Variants in MYLK3 observed in about 807,000 individuals in gnomAD.
The protein encoded by MYLK3 is MLC kinase.
Under a neutral mutation model 76.3 loss-of-function variants are expected in MYLK3, and 55 were observed. The observed-to-expected ratio is 0.72, with a 90% CI of 0.58 to 0.90. The LOEUF (loss-of-function observed/expected upper bound fraction) is 0.90. Among genes scored for constraint, MYLK3 ranks in the 40% least tolerant of loss-of-function variants. The probability of loss-of-function intolerance (pLI) is 0.00; values close to 1 mark genes in which losing one functional copy is unlikely to be tolerated. For missense variants in MYLK3, 973 were observed against 1,053.6 expected, an observed-to-expected ratio of 0.92 and a Z score of 1.06; for synonymous variants, 416 against 425.4, an observed-to-expected ratio of 0.98 and a Z score of 0.27.
rs1032288431 is a variant in MYLK3 at position 46,703,753 on chromosome 16, T to C, written c.*3951A>G. 6.5e-6 allele frequency: 1 copy of C among 153,722 alleles called. No homozygotes were observed. Among genetic ancestry groups the C allele is most frequent in the Non-Finnish European group, 1.5e-5 (1 of 68,040 alleles). The allele number at this position is 153,722 out of a possible 1,614,324, so 9.5% of individuals were successfully genotyped here. A position where few individuals can be genotyped will look rare whatever the true frequency, so the allele number is the denominator to read the frequency against. On this transcript the variant is annotated 3_prime_UTR_variant, in exon 13 of 13. Transcript: ENST00000394809. ...CCCTCAAAGGAACTTTGGAGGGAAA[T>C]TGTTTCTCTAGGTAAGGAATAACAG... is the stretch of plus-strand genomic sequence containing the variant.
chr16:46,740,558 T>A (rs957073309), intron 1 of MYLK3, among the ~76,000 whole-genome samples: 15 of 144,224 alleles, frequency 1.0e-4, no homozygotes, highest in African/African-American at 3.3e-4. Flanking sequence ...TATATTTTTT[T>A]TTTTTTTTTT....
Position 46,704,967 on chromosome 16 carries a change from T to G in MYLK3, c.*2737A>C, listed in dbSNP as rs1221567221. The G allele has an allele frequency of 6.6e-6, 1 of 152,258 alleles. No individual in the cohort carries two copies. Among genetic ancestry groups the G allele is most frequent in the African/African-American group, 2.4e-5 (1 of 41,466 alleles). The allele number at this position is 152,258 out of a possible 1,614,324, so 9.4% of individuals were successfully genotyped here. On this transcript the variant is annotated 3_prime_UTR_variant, in exon 13 of 13. Coordinates refer to ENST00000394809, the MANE Select transcript of MYLK3 (RefSeq NM_182493.3). The stretch of plus-strand genomic sequence containing the variant: ...TCACTGTCTCATCAAAGGACAACTT[T>G]CAGCAGCTGTGTCTTCTGATGTTCA...
intron 10 of MYLK3, 114 bp from the exon 11 acceptor site, chr16:46,710,903 C>A: frequency 1.6e-6 from 2 of 1,250,006 alleles, no homozygotes; most frequent in South Asian, 2.5e-5. Flanking sequence ...CAAGAGGGTT[C>A]AAAATAAAAG....
Position 46,737,927 on chromosome 16 carries a change from A to C in MYLK3, c.785T>G (p.Leu262Arg). 6.2e-7 allele frequency: 1 copy of C among 1,614,148 alleles called. No homozygotes were observed. The highest frequency in any genetic ancestry group is 1.7e-5 in the Admixed American group (1 of 60,036). ...CCTGCCGGGTGCTGGAGCCAATTCC[A>C]GGCCAGTCCTGAGGTTCTCGCTGGG... is the stretch of plus-strand genomic sequence containing the variant. Reference protein sequence around the residue: ...ETPSENLRTGLELAPAPGRVN... With the variant: ...ETPSENLRTGRELAPAPGRVN... Residue 262 changes from leucine (L) to arginine (R), a missense_variant, in exon 3 of 13, where the codon CTG becomes CGG. By Grantham distance (102) the Leu-to-Arg change is moderately radical (BLOSUM62 -2). Transcript: ENST00000394809.
chr16:46,749,403 C>T (rs1421223373), upstream of MYLK3, among the ~76,000 whole-genome samples: 1 of 152,216 alleles, frequency 6.6e-6, no homozygotes. Flanking sequence ...GCTTTAGTGT[C>T]CCCCTCAAGC....
rs547374024 is a variant in MYLK3 at position 46,758,598 on chromosome 16, C to G, written c.-114+4442G>C. On this transcript the variant is annotated intron_variant, in intron 1 of 11. Coordinates refer to the MYLK3 transcript ENST00000536476. ...GGGGACAGCGTTCCAACACCATGCT[C>G]ATCACTCACACCCTCTGCCACTTTC... 3.3e-5 allele frequency among the ~76,000 whole-genome samples: 5 copies of G among 152,310 alleles called. No homozygotes were observed. The South Asian group carries it at 1.0e-3, about 32-fold the overall frequency.
intron 9 of MYLK3, 123 bp downstream of exon 9, chr16:46,721,000 A>G (rs577425750): frequency 2.3e-6 from 2 of 868,126 alleles, no homozygotes; most frequent in Non-Finnish European, 3.8e-6. Flanking sequence ...GCTTCTGCAC[A>G]CAAGAGCTTT....
chr16:46,737,823 G>T lies in MYLK3; in HGVS notation c.889C>A (p.Pro297Thr). 1.9e-6 allele frequency: 3 copies of T among 1,613,384 alleles called. No homozygotes were observed. The highest frequency in any genetic ancestry group is 2.5e-6 in the Non-Finnish European group (3 of 1,180,018). ...GASSSRPDPEPLEEGTRLTPG... is the reference protein window; with the variant it reads ...GASSSRPDPETLEEGTRLTPG... ...GTCAGCCTCGTGCCTTCCTCTAAGG[G>T]CTCAGGGTCAGGCCTGCTGGACGAT... Residue 297 changes from proline to threonine, a missense_variant, in exon 3 of 13, where the codon CCC (proline) becomes ACC (threonine). By Grantham distance (38) the Pro-to-Thr change is conservative. This residue lies in a region of MYLK3 where 641 missense variants were observed against 637.0 expected (regional missense o/e 1.01). Coordinates refer to ENST00000394809, the MANE Select transcript of MYLK3 (RefSeq NM_182493.3).
At chr16:46,727,090 G>T in intron 8 of MYLK3, 146 bp downstream of exon 8, 2 of 727,442 alleles carry the variant, frequency 2.7e-6, no homozygotes, top group East Asian at 2.8e-5. Flanking sequence ...CAGCAAGAGT[G>T]GCCTGTCCCA....
upstream of MYLK3, among the ~76,000 whole-genome samples, chr16:46,751,519 C>T (rs1378258376): frequency 6.6e-6 from 1 of 152,240 alleles, no homozygotes; most frequent in Non-Finnish European, 1.5e-5. Flanking sequence ...TGGAAGCTCC[C>T]TGAGGGCAGA....
At chr16:46,756,944 A>C (rs1429176220) in intron 1 of MYLK3, among the ~76,000 whole-genome samples, 1 of 152,150 alleles carries the variant, frequency 6.6e-6, no homozygotes, top group East Asian at 1.9e-4. Context: ...CAAGGCAGCA[A>C]TGTGCTTGCT....
At chr16:46,758,297 C>CAT in intron 1 of MYLK3, among the ~76,000 whole-genome samples, 1 of 54,444 alleles carries the variant, frequency 1.8e-5, no homozygotes, top group South Asian at 1.4e-3. Flanking sequence ...CACACACACA[C>CAT]ACACACACTC....
At chr16:46,758,296 ACACACACACTCTCTCTCTCTCT>A (rs898766395) in intron 1 of MYLK3, among the ~76,000 whole-genome samples, 2 of 59,240 alleles carry the variant, frequency 3.4e-5, no homozygotes, top group Non-Finnish European at 5.7e-5. Flanking sequence ...ACACACACAC[ACACACACACTCTCTCTCTCTCT>A]CTCTCTCTCT....
At chr16:46,733,650 C>T (rs973813794) in intron 3 of MYLK3, among the ~76,000 whole-genome samples, 1 of 152,068 alleles carries the variant, frequency 6.6e-6, no homozygotes, top group African/African-American at 2.4e-5. Context: ...TCAAGTCACC[C>T]GGGAATCCAA....
At chr16:46,742,844 C>T (rs1966956220) in intron 1 of MYLK3, among the ~76,000 whole-genome samples, 1 of 152,230 alleles carries the variant, frequency 6.6e-6, no homozygotes, top group Admixed American at 6.5e-5. Context: ...GACAGCTCCC[C>T]CTTATCCTTC....
chr16:46,746,895 G>C (rs1415140279), intron 1 of MYLK3, among the ~76,000 whole-genome samples: 1 of 152,148 alleles, frequency 6.6e-6, no homozygotes, highest in Non-Finnish European at 1.5e-5. Context: ...GGTGCGGGGA[G>C]GGGAGGCATG....
intron 9 of MYLK3, among the ~76,000 whole-genome samples, chr16:46,714,872 T>G (rs1302409358): frequency 6.6e-6 from 1 of 152,196 alleles, no homozygotes; most frequent in Non-Finnish European, 1.5e-5. Flanking sequence ...CGACTCCCAG[T>G]CAGGGGTATG....
intron 1 of MYLK3, among the ~76,000 whole-genome samples, chr16:46,755,856 A>T (rs1210655751): frequency 6.6e-6 from 1 of 152,064 alleles, no homozygotes; most frequent in African/African-American, 2.4e-5. Flanking sequence ...AGGGGAACAA[A>T]AGGAATTAGA....
exon 1 of MYLK3, chr16:46,763,168 G>C: frequency 1.0e-6 from 1 of 985,082 alleles, no homozygotes; most frequent in Middle Eastern, 5.2e-4. Flanking sequence ...CAGTTAAGTG[G>C]CTTGTCAACA....
Sources: gnomAD v4.1 joint callset for allele counts (sites outside exome capture counted in the v4.1 genomes callset) on GRCh38, gnomAD v4.1.1 for gene constraint, gnomAD v4.1.1 regional missense constraint, MANE v1.5 for transcripts, NCBI Gene and HGNC (gene_info 2026-07-23, HGNC 2026-07-21) for gene names.